TDRD7: variants seen among roughly 807,000 people sequenced by gnomAD.
TDRD7 encodes tudor domain containing 7, also known as tudor domain-containing protein 7.
A neutral mutation model predicts 109.8 loss-of-function variants in TDRD7; 47 were observed. The ratio of observed to expected loss-of-function variants is 0.43; its 90% confidence interval spans 0.34 to 0.55. The LOEUF (loss-of-function observed/expected upper bound fraction) is 0.55. TDRD7 is among the 20% of genes least tolerant of loss of function. The pLI is 0.03. For synonymous variants in TDRD7, 424 were observed against 457.3 expected (o/e 0.93, Z 0.93); for missense variants, 1,164 against 1,319.2 (o/e 0.88, Z 1.82).
chr9:97,469,001 A>G (rs1351928359), intron 8 of TDRD7, among the ~76,000 whole-genome samples: 1 of 152,176 alleles, frequency 6.6e-6, no homozygotes, highest in East Asian at 1.9e-4. Flanking sequence ...ACAAGAAAAG[A>G]AGCTACAAAC....
chr9:97,468,917 G>A (rs1303536947), intron 8 of TDRD7, among the ~76,000 whole-genome samples: 1 of 152,228 alleles, frequency 6.6e-6, no homozygotes, highest in Non-Finnish European at 1.5e-5. Context: ...AGAGTGTGGT[G>A]AGAGTCACAC....
intron 1 of TDRD7, among the ~76,000 whole-genome samples, chr9:97,415,579 C>T (rs1173153083): frequency 6.6e-6 from 1 of 152,176 alleles, no homozygotes; most frequent in Non-Finnish European, 1.5e-5. Flanking sequence ...AACTCCCCAC[C>T]CCACCTCATG....
chr9:97,480,928 G>T lies in TDRD7; in HGVS notation c.2402G>T (p.Cys801Phe), dbSNP rs1829105462. The change falls in exon 14 of 17, where the codon TGT (cysteine) becomes TTT (phenylalanine). Residue 801 changes from cysteine to phenylalanine, a missense_variant. Cys to Phe is a radical substitution (Grantham distance 205). Transcript: ENST00000355295. ...LRDSVLNCSD[C>F]SIKVTKVDET... ...GATTCTGTTTTGAATTGCTCGGACTGTAGCATTAAGGTTAGCTATCTTGTT... is the reference window on the plus strand; with the variant it reads ...GATTCTGTTTTGAATTGCTCGGACTTTAGCATTAAGGTTAGCTATCTTGTT... The T allele has an allele frequency of 6.2e-7, 1 of 1,613,678 alleles. No homozygotes were observed. The highest frequency in any genetic ancestry group is 8.5e-7 in the Non-Finnish European group (1 of 1,179,680).
rs954226281 is a variant in TDRD7 at position 97,428,323 on chromosome 9, G to A, written c.-6-137G>A. The A allele has an allele frequency of 1.5e-5, 13 of 885,652 alleles. No individual in the cohort carries two copies. In the African/African-American group the frequency reaches 1.7e-4, roughly 11 times the overall value. 54.9% of individuals were successfully genotyped at this position (885,652 alleles called of 1,614,324 possible). The stretch of plus-strand genomic sequence containing the variant: ...ATTTGTGCTTTTCTCTACCGTGGCA[G>A]TTGTTTCCCCATATTGTAATTGCAC... On this transcript the variant is annotated intron_variant, in intron 1 of 16. Transcript: ENST00000355295.
At chr9:97,461,132 C>G (rs1828715666) in intron 7 of TDRD7, among the ~76,000 whole-genome samples, 3 of 148,552 alleles carry the variant, frequency 2.0e-5, no homozygotes, top group Admixed American at 2.0e-4. Context: ...AAGAGCAAGA[C>G]TCCATCTCAA....
intron 13 of TDRD7, among the ~76,000 whole-genome samples, chr9:97,479,219 C>A (rs1446585636): frequency 1.3e-5 from 2 of 152,202 alleles, no homozygotes; most frequent in African/African-American, 4.8e-5. Flanking sequence ...TGCCATCAAA[C>A]TCAGTAAATA....
chr9:97,475,342 T>G (rs1828999610), intron 11 of TDRD7, 41 bp from the exon 12 acceptor site: 1 of 1,480,564 alleles, frequency 6.8e-7, no homozygotes, highest in African/African-American at 1.4e-5. Flanking sequence ...ATATGCTCTT[T>G]GCTAAGAGTA....
intron 6 of TDRD7, among the ~76,000 whole-genome samples, chr9:97,452,883 G>A (rs1414223221): frequency 6.6e-6 from 1 of 152,206 alleles, no homozygotes. Flanking sequence ...TGCTGGTCAT[G>A]TCAGAGGTCA....
At chr9:97,488,565 T>TG (rs1007172923) in intron 16 of TDRD7, among the ~76,000 whole-genome samples, 4 of 151,442 alleles carry the variant, frequency 2.6e-5, no homozygotes, top group African/African-American at 7.3e-5. Flanking sequence ...TAATGGTTTT[T>TG]TTTTTTTTTT....
intron 1 of TDRD7, among the ~76,000 whole-genome samples, chr9:97,414,892 T>C (rs912693652): frequency 3.3e-5 from 5 of 152,206 alleles, no homozygotes; most frequent in Non-Finnish European, 7.3e-5. Context: ...GAAAAAATTT[T>C]CCCTCTGAGG....
chr9:97,487,408 T>TG, intron 16 of TDRD7, 76 bp downstream of exon 16: 2 of 1,585,652 alleles, frequency 1.3e-6, no homozygotes, highest in Admixed American at 3.3e-5. Context: ...TAGCAAGTAC[T>TG]GAATCATTGG....
Position 97,472,316 on chromosome 9 carries a change from C to A in TDRD7, c.1765C>A (p.Pro589Thr). The change falls in exon 10 of 17, where the codon CCT (proline) becomes ACT (threonine). Residue 589 changes from proline (P) to threonine (T), a missense_variant. Around this residue, in one of 5 missense-constraint regions of TDRD7, gnomAD observed 261 missense variants for 336.2 expected, o/e 0.78. Transcript: ENST00000355295. ...LAGLEVLSDD[P>T]DLVKVVESLT... The stretch of plus-strand genomic sequence containing the variant: ...AGGCTTGGAAGTCCTAAGCGATGAC[C>A]CTGATCTAGTGAAGGTGGTTGAATC... 1 of 1,613,654 alleles carries A rather than the reference C, an allele frequency of 6.2e-7. No homozygotes were observed. The highest frequency in any genetic ancestry group is 1.1e-5 in the South Asian group (1 of 91,054).
At chr9:97,493,563 C>T (rs1386852839) in intron 16 of TDRD7, among the ~76,000 whole-genome samples, 1 of 152,130 alleles carries the variant, frequency 6.6e-6, no homozygotes, top group Admixed American at 6.5e-5. Flanking sequence ...GTTTCGGGCA[C>T]ACGTTGTCAT....
intron 1 of TDRD7, among the ~76,000 whole-genome samples, chr9:97,417,160 G>A (rs977991381): frequency 2.6e-5 from 4 of 152,114 alleles, no homozygotes; most frequent in African/African-American, 9.7e-5. Context: ...GCCCTGTTGT[G>A]AGGCCATCTC....
chr9:97,439,135 T>G (rs1359674792), intron 4 of TDRD7, 110 bp from the exon 5 acceptor site: 1 of 654,200 alleles, frequency 1.5e-6, no homozygotes, highest in Non-Finnish European at 2.4e-6. Flanking sequence ...TAATGACTTG[T>G]TTTGCTGTTA....
chr9:97,478,125 G>C lies in TDRD7; in HGVS notation c.2167-314G>C, dbSNP rs145278057. Among the ~76,000 whole-genome samples the C allele has an allele frequency of 8.1e-3, 1,226 of 152,174 alleles. 42 individuals are homozygous for C. The East Asian group carries it at 0.11, about 13-fold the overall frequency. On this transcript the variant is annotated intron_variant, in intron 12 of 16. Coordinates refer to ENST00000355295, the MANE Select transcript of TDRD7 (RefSeq NM_014290.3). Reference sequence around the variant, plus strand: ...AATACAAAAAAATTAGCTGGTTGTGGTGGTGGGCACCTGTAATCCCAGCTA... The same window carrying C: ...AATACAAAAAAATTAGCTGGTTGTGCTGGTGGGCACCTGTAATCCCAGCTA...
intron 4 of TDRD7, among the ~76,000 whole-genome samples, chr9:97,434,280 A>G (rs1390693792): frequency 6.6e-6 from 1 of 152,186 alleles, no homozygotes; most frequent in East Asian, 1.9e-4. Flanking sequence ...GAAACACCAC[A>G]TTATCTTATA....
At chr9:97,449,303 C>T (rs1027433813) in intron 6 of TDRD7, among the ~76,000 whole-genome samples, 1 of 152,160 alleles carries the variant, frequency 6.6e-6, no homozygotes, top group African/African-American at 2.4e-5. Flanking sequence ...CACTGTCTAC[C>T]TGGAGATAGC....
At position 97,464,936 on chromosome 9, in the gene TDRD7, G is replaced by A. The variant is rs777815644; in HGVS notation, c.1537G>A (p.Ala513Thr). 3.1e-6 allele frequency: 5 copies of A among 1,614,180 alleles called. No individual in the cohort carries two copies. The highest frequency in any genetic ancestry group is 4.2e-6 in the Non-Finnish European group (5 of 1,180,022). The change falls in exon 8 of 17, where the codon GCT becomes ACT. Residue 513 changes from alanine (A) to threonine (T), a missense_variant. By Grantham distance (58) the Ala-to-Thr change is moderately conservative. Around this residue, in one of 5 missense-constraint regions of TDRD7, gnomAD observed 261 missense variants for 336.2 expected, o/e 0.78. Transcript: ENST00000355295. ...GAATCCTAAGATCACACCAGTCCAG[G>A]CTGTGAATGTTGGGCAGTTGCTGGC... ...SKNPKITPVQ[A>T]VNVGQLLAVN...
Sources: allele counts gnomAD v4.1 joint callset (sites outside exome capture counted in the v4.1 genomes callset), GRCh38; gene constraint gnomAD v4.1.1; regional missense constraint gnomAD v4.1.1; transcripts MANE v1.5; gene names NCBI Gene and HGNC (gene_info 2026-07-23, HGNC 2026-07-21).